The following PDS5A variants were observed in gnomAD, a reference collection of about 807,000 sequenced individuals.
The protein encoded by PDS5A is sister chromatid cohesion protein PDS5 homolog A.
A neutral mutation model predicts 167.1 loss-of-function variants in PDS5A; 42 were observed. The ratio of observed to expected loss-of-function variants is 0.25; its 90% CI spans 0.20 to 0.33. The LOEUF (loss-of-function observed/expected upper bound fraction) is 0.33, where lower values mean the gene tolerates loss of function less well. Ranked by LOEUF, PDS5A falls within the 10% of genes least tolerant of loss-of-function variation. The probability of loss-of-function intolerance (pLI) is 1.00; values close to 1 mark genes in which losing one functional copy is unlikely to be tolerated. For synonymous variants in PDS5A, 553 were observed against 554.6 expected (o/e 1.00, Z 0.04); for missense variants, 1,033 against 1,605.9 (o/e 0.64, Z 6.10).
At chr4:39,973,688 G>A (rs1003917819) in intron 2 of PDS5A, 13 of 1,289,038 alleles carry the variant, frequency 1.0e-5, no homozygotes, top group Admixed American at 5.1e-5. Context: ...TTAGCTCAGC[G>A]CAAAGAAGAG....
chr4:39,830,704 C>T (rs1382514652), intron 32 of PDS5A, among the ~76,000 whole-genome samples: 4 of 152,126 alleles, frequency 2.6e-5, no homozygotes, highest in South Asian at 2.1e-4. Context: ...GGATTAAAGG[C>T]GTGAGCCACC....
Position 39,913,663 on chromosome 4 carries a change from C to T in PDS5A, c.940G>A (p.Asp314Asn). Residue 314 changes from aspartate (D) to asparagine (N), a missense_variant, in exon 9 of 33, where the codon GAT becomes AAT. Physicochemically the swap from Asp to Asn is conservative, Grantham distance 23. Transcript: ENST00000303538. ...RLLAKLFGSK[D>N]SDLATQNRPL... ...CGATTCTGTGTTGCCAAATCAGAAT[C>T]TTTGGAGCCAAACAATTTAGCTAGA... 1 of 1,612,386 alleles carries T rather than the reference C, an allele frequency of 6.2e-7. No homozygotes were observed. The highest frequency in any genetic ancestry group is 8.5e-7 in the Non-Finnish European group (1 of 1,178,496).
chr4:39,971,226 T>C (rs1461396873), intron 2 of PDS5A, among the ~76,000 whole-genome samples: 3 of 151,982 alleles, frequency 2.0e-5, no homozygotes, highest in African/African-American at 7.2e-5. Flanking sequence ...TGGTGGGATC[T>C]TGGCTTACTG....
At chr4:39,942,478 TCTCA>T (rs1414220557) in intron 2 of PDS5A, among the ~76,000 whole-genome samples, 3 of 151,792 alleles carry the variant, frequency 2.0e-5, no homozygotes, top group African/African-American at 4.8e-5. Flanking sequence ...TGAGACAGGG[TCTCA>T]CTCAGTCACG....
At position 39,956,272 on chromosome 4, in the gene PDS5A, A is replaced by G. The variant is rs182383047; in HGVS notation, c.138+20168T>C. 2.3e-3 allele frequency among the ~76,000 whole-genome samples: 347 copies of G among 152,172 alleles called. 5 individuals carry two copies. The highest frequency in any genetic ancestry group is 0.018 in the Admixed American group (275 of 15,250). On this transcript the variant is annotated intron_variant, in intron 2 of 32. Coordinates refer to ENST00000303538, the MANE Select transcript of PDS5A (RefSeq NM_001100399.2). ...TTTGGGAGGCTATGGCAGGCAAATC[A>G]CTTGAGATCAAGAGTTGGAGACTAG...
chr4:39,957,806 A>G (rs1040050518), intron 2 of PDS5A, among the ~76,000 whole-genome samples: 14 of 142,164 alleles, frequency 9.8e-5, no homozygotes, highest in Admixed American at 9.2e-4. Context: ...AAAAAAAAAA[A>G]GAAATGGATT....
At chr4:39,829,811 C>A (rs975724179) in intron 32 of PDS5A, among the ~76,000 whole-genome samples, 1 of 151,288 alleles carries the variant, frequency 6.6e-6, no homozygotes, top group African/African-American at 2.4e-5. Flanking sequence ...ATTAGCCGGG[C>A]GTGGTGGTGG....
intron 2 of PDS5A, among the ~76,000 whole-genome samples, chr4:39,944,178 C>CAAAAA (rs60344531): frequency 3.4e-5 from 3 of 88,220 alleles, no homozygotes; most frequent in African/African-American, 4.5e-5. Context: ...GACTCCGTCT[C>CAAAAA]AAAAAAAAAA....
Position 39,976,509 on chromosome 4 carries a change from G to T in PDS5A, c.69C>A (p.Ile23=). Residue 23 remains isoleucine, a synonymous_variant, in exon 2 of 33, where the codon ATC becomes ATA. Transcript: ENST00000303538. The stretch of plus-strand genomic sequence containing the variant: ...TCTCTTTTACCCCCGGAGGGTAAGC[G>T]ATCTTCCCGTCGGCACTCACGACGC... The part of the protein sequence containing the change: ...LCGVVSADGK[I]AYPPGVKEIT... 1 of 1,613,448 alleles carries T rather than the reference G, an allele frequency of 6.2e-7. No homozygotes were observed. The highest frequency in any genetic ancestry group is 2.2e-5 in the East Asian group (1 of 44,854).
intron 32 of PDS5A, among the ~76,000 whole-genome samples, chr4:39,834,709 A>C (rs1716231412): frequency 6.6e-6 from 1 of 152,108 alleles, no homozygotes; most frequent in African/African-American, 2.4e-5. Flanking sequence ...AAGTTGATGG[A>C]GCTTATGTTG....
At chr4:39,906,914 ACAT>A (rs1723406630) in intron 11 of PDS5A, among the ~76,000 whole-genome samples, 1 of 111,674 alleles carries the variant, frequency 9.0e-6, no homozygotes, top group East Asian at 2.9e-4. Context: ...GAGATTTCTT[ACAT>A]AAAAAAAAAA....
intron 2 of PDS5A, among the ~76,000 whole-genome samples, chr4:39,946,209 T>TA (rs11419649): frequency 0.87 from 114,115 of 131,092 alleles, 49,161 homozygotes; most frequent in East Asian, 0.96. Flanking sequence ...TTCATCTCAA[T>TA]AAAAAAAAAA....
chr4:39,940,563 T>A (rs1020041089), intron 2 of PDS5A, among the ~76,000 whole-genome samples: 4 of 152,362 alleles, frequency 2.6e-5, no homozygotes, highest in African/African-American at 9.6e-5. Context: ...ACCTTTTAGA[T>A]AATGTAGGGG....
chr4:39,830,913 C>T (rs543117968), intron 32 of PDS5A, among the ~76,000 whole-genome samples: 4 of 152,280 alleles, frequency 2.6e-5, no homozygotes, highest in African/African-American at 7.2e-5. Context: ...TAATTTAACC[C>T]GTGATTATTT....
chr4:39,948,677 T>C (rs1488603923), intron 2 of PDS5A, among the ~76,000 whole-genome samples: 5 of 146,756 alleles, frequency 3.4e-5, no homozygotes, highest in African/African-American at 5.0e-5. Flanking sequence ...CAGGCTGGAG[T>C]GCAGTGGTGC....
chr4:39,930,911 T>A (rs1044784045), intron 2 of PDS5A, among the ~76,000 whole-genome samples: 1 of 152,218 alleles, frequency 6.6e-6, no homozygotes, highest in Non-Finnish European at 1.5e-5. Flanking sequence ...AAATTTATAA[T>A]CTTAAATGTG....
At chr4:39,856,785 C>A (rs990215283) in intron 26 of PDS5A, among the ~76,000 whole-genome samples, 1 of 152,090 alleles carries the variant, frequency 6.6e-6, no homozygotes, top group East Asian at 1.9e-4. Flanking sequence ...CACCGCACTC[C>A]AGCCTGGGCA....
At chr4:39,936,466 T>G (rs1482303443) in intron 2 of PDS5A, among the ~76,000 whole-genome samples, 1 of 152,124 alleles carries the variant, frequency 6.6e-6, no homozygotes, top group Non-Finnish European at 1.5e-5. Context: ...TGAGACAGTT[T>G]CGCTGTCACC....
chr4:39,971,301 C>T (rs1730511097), intron 2 of PDS5A, among the ~76,000 whole-genome samples: 1 of 151,774 alleles, frequency 6.6e-6, no homozygotes, highest in East Asian at 1.9e-4. Flanking sequence ...GACTACAGGC[C>T]CCGCCACCAC....
Sources: allele counts gnomAD v4.1 joint callset (sites outside exome capture counted in the v4.1 genomes callset), GRCh38; gene constraint gnomAD v4.1.1; transcripts MANE v1.5; gene names NCBI Gene and HGNC (gene_info 2026-07-23, HGNC 2026-07-21).